The following TELO2 variants were observed in gnomAD, a reference collection of about 807,000 sequenced individuals.
TELO2 encodes telomere length regulation protein TEL2 homolog.
In TELO2, 71 loss-of-function variants were observed where a neutral mutation model predicts 91.0. The ratio of observed to expected loss-of-function variants is 0.78; its 90% CI spans 0.64 to 0.95. The LOEUF (loss-of-function observed/expected upper bound fraction) is 0.95, where lower values mean the gene tolerates loss of function less well. TELO2 is among the 40% of genes least tolerant of loss of function. TELO2 has a pLI of 0.00. For synonymous variants in TELO2, 584 were observed against 518.9 expected (o/e 1.13, Z -1.71); for missense variants, 1,183 against 1,141.3 (o/e 1.04, Z -0.53).
chr16:1,493,662 C>G lies in TELO2; in HGVS notation c.-37+57C>G, dbSNP rs1276709549. On this transcript the variant is annotated intron_variant, in intron 1 of 20. Coordinates refer to ENST00000262319, the MANE Select transcript of TELO2 (RefSeq NM_016111.4). The surrounding 1 kb of genome is among the most constrained non-coding windows in gnomAD (Gnocchi z 4.3). ...GGGTCCGGTTGGGTCGGGTTGGGCT[C>G]CAGGTCTGGTTGGGTCGGGTCCAGG... 6.6e-6 allele frequency: 1 copy of G among 152,406 alleles called. No individual in the cohort carries two copies. Among genetic ancestry groups the G allele is most frequent in the Non-Finnish European group, 1.5e-5 (1 of 68,338 alleles). 9.4% of individuals were successfully genotyped at this position (152,406 alleles called of 1,614,324 possible). A position where few individuals can be genotyped will look rare whatever the true frequency, so the allele number is the denominator to read the frequency against.
At chr16:1,499,097 G>A (rs1231868746) in intron 5 of TELO2, 134 bp from the exon 6 acceptor site, 2 of 823,960 alleles carry the variant, frequency 2.4e-6, no homozygotes, top group African/African-American at 3.4e-5. Flanking sequence ...GTCGGAGGAT[G>A]GAACCAGAGG....
Position 1,495,392 on chromosome 16 carries a change from C to G in TELO2, c.382C>G (p.Leu128Val). 4 of 1,575,188 alleles carry G rather than the reference C, an allele frequency of 2.5e-6. No homozygotes were observed. Among genetic ancestry groups the G allele is most frequent in the South Asian group, 2.3e-5 (2 of 87,124 alleles). ...GATGGCGCGGCTGCTGGCCAGATTC[C>G]TGCGCGAGGGCCGGCTGGCAGTGCT... ...MKMARLLARF[L>V]REGRLAVLME... The change falls in exon 3 of 21, where the codon CTG becomes GTG. Residue 128 changes from leucine (L) to valine (V), a missense_variant. Physicochemically the swap from Leu to Val is conservative, Grantham distance 32. Transcript: ENST00000262319.
chr16:1,498,142 G>A (rs2039559241), intron 5 of TELO2, among the ~76,000 whole-genome samples: 4 of 151,890 alleles, frequency 2.6e-5, no homozygotes, highest in Non-Finnish European at 5.9e-5. Context: ...AGCCTCCTGA[G>A]TAGCTAGGAC....
chr16:1,502,893 G>A lies in TELO2; in HGVS notation c.1771-38G>A, dbSNP rs1398833973. ...CGGAGGTCGCCCCGGGTGGCCCTCAGGTCCCGGACCACAGCAGCCTCTCCC... is the reference window on the plus strand; with the variant it reads ...CGGAGGTCGCCCCGGGTGGCCCTCAAGTCCCGGACCACAGCAGCCTCTCCC... On this transcript the variant is annotated intron_variant, in intron 14 of 20. Transcript: ENST00000262319. 2.5e-6 allele frequency: 4 copies of A among 1,607,846 alleles called. No individual in the cohort carries two copies. The South Asian group carries it at 4.4e-5, about 18-fold the overall frequency.
In TELO2 at chr16:1,494,776, C is replaced by T. The variant is rs187114349; in HGVS notation, c.335+160C>T. 1.3e-5 allele frequency among the ~76,000 whole-genome samples: 2 copies of T among 152,314 alleles called. No individual in the cohort carries two copies. Among genetic ancestry groups the T allele is most frequent in the African/African-American group, 4.8e-5 (2 of 41,568 alleles). On this transcript the variant is annotated intron_variant, in intron 2 of 20. Coordinates refer to ENST00000262319, the MANE Select transcript of TELO2 (RefSeq NM_016111.4). This position sits in a 1 kb window ranked among gnomAD's most constrained non-coding sequence, Gnocchi z 5.6. ...AACAGAAGAAGCGGTCTGTGTCTGT[C>T]TCCTTTGCGACGGGAGGCACCTGCT...
chr16:1,495,305 A>G (rs1049959619), intron 2 of TELO2, 41 bp from the exon 3 acceptor site: 1 of 1,500,682 alleles, frequency 6.7e-7, no homozygotes, highest in Non-Finnish European at 9.0e-7. Context: ...GGCCCCGAGG[A>G]TGGGGGTTGG....
rs1157498970 is a variant in TELO2 at position 1,510,317 on chromosome 16, C to G, written c.*381C>G. The G allele has an allele frequency of 2.6e-5, 7 of 271,596 alleles. No individual in the cohort carries two copies. The highest frequency in any genetic ancestry group is 5.0e-5 in the Non-Finnish European group (7 of 140,204). 16.8% of individuals were successfully genotyped at this position (271,596 alleles called of 1,614,324 possible). A position where few individuals can be genotyped will look rare whatever the true frequency, so the allele number is the denominator to read the frequency against. On this transcript the variant is annotated 3_prime_UTR_variant, in exon 21 of 21. Coordinates refer to ENST00000262319, the MANE Select transcript of TELO2 (RefSeq NM_016111.4). ...AAGCAGGACAGAGCAGCTCTTGTCC[C>G]AGGTCCCTCGGGCTGAGCGCCGTGT... is the stretch of plus-strand genomic sequence containing the variant.
rs2039877196 is a variant in TELO2, at chr16:1,505,945, C to T, written c.2035-293C>T. On this transcript the variant is annotated intron_variant, in intron 16 of 20. Coordinates refer to ENST00000262319, the MANE Select transcript of TELO2 (RefSeq NM_016111.4). This position sits in a 1 kb window ranked among gnomAD's most constrained non-coding sequence, Gnocchi z 4.3. ...TTGTCACTAGGGGTGGGTTGGAGGC[C>T]ACGGAGGCATCCTGCAGTGCCCAGG... 1.3e-5 allele frequency among the ~76,000 whole-genome samples: 2 copies of T among 152,310 alleles called. No homozygotes were observed. The highest frequency in any genetic ancestry group is 4.1e-4 in the South Asian group (2 of 4,828).
At chr16:1,496,601 C>T (rs1411727825) in intron 3 of TELO2, among the ~76,000 whole-genome samples, 2 of 152,294 alleles carry the variant, frequency 1.3e-5, no homozygotes, top group South Asian at 4.1e-4. Context: ...TGGTACAGCC[C>T]GGCCCCTCCC....
rs375701660 is a variant in TELO2 at position 1,497,526 on chromosome 16, C to T, written c.830+18C>T. ...GCACTGGGGTAAGCAGCCAGGCTGT[C>T]CTCCAGCTGCACTGGCTTCTGGGGT... On this transcript the variant is annotated intron_variant, in intron 5 of 20. Transcript: ENST00000262319. This position sits in a 1 kb window ranked among gnomAD's most constrained non-coding sequence, Gnocchi z 4.0. The T allele has an allele frequency of 1.6e-5, 25 of 1,540,958 alleles. No individual in the cohort carries two copies. The Middle Eastern group carries it at 6.7e-4, about 41-fold the overall frequency.
At chr16:1,495,212 C>T (rs2039434594) in intron 2 of TELO2, 134 bp from the exon 3 acceptor site, 1 of 1,260,454 alleles carries the variant, frequency 7.9e-7, no homozygotes, top group Non-Finnish European at 1.1e-6. Flanking sequence ...TCCCATCCGG[C>T]TTGTGGTTTT....
Position 1,500,399 on chromosome 16 carries a change from C to T in TELO2, c.1055C>T (p.Thr352Ile). ...TWGSSSAIRHTPLPQQRHVSK... is the reference protein window; with the variant it reads ...TWGSSSAIRHIPLPQQRHVSK... ...GGCAGCAGCAGTGCCATCCGCCACA[C>T]TCCCCTGCCGCAGCAGCGCCACGTC... Residue 352 changes from threonine to isoleucine, a missense_variant, in exon 8 of 21, where the codon ACT (threonine) becomes ATT (isoleucine). Transcript: ENST00000262319. 6.2e-7 allele frequency: 1 copy of T among 1,600,784 alleles called. No homozygotes were observed. The highest frequency in any genetic ancestry group is 2.3e-5 in the East Asian group (1 of 44,298).
In TELO2 at chr16:1,507,763, G is replaced by GGT. The variant is rs567051123; in HGVS notation, c.2407+56_2407+57dup. On this transcript the variant is annotated intron_variant, in intron 20 of 20. Coordinates refer to ENST00000262319, the MANE Select transcript of TELO2 (RefSeq NM_016111.4). ...GTGTGTGAGATGTGTGTCGGCCCGG[G>GGT]GTGTGTGTGTATGTGTGTGTGTGTG... The GGT allele has an allele frequency of 1.8e-5, 26 of 1,414,880 alleles. No individual in the cohort carries two copies. In the South Asian group the frequency reaches 2.2e-4, roughly 12 times the overall value. 87.6% of individuals were successfully genotyped at this position (1,414,880 alleles called of 1,614,324 possible). A position where few individuals can be genotyped will look rare whatever the true frequency, so the allele number is the denominator to read the frequency against.
intron 6 of TELO2, 74 bp from the exon 7 acceptor site, chr16:1,500,022 T>C: frequency 6.6e-7 from 1 of 1,525,866 alleles, no homozygotes; most frequent in Non-Finnish European, 8.9e-7. Flanking sequence ...CTGGCATGGC[T>C]CTTGGCCTTG....
At chr16:1,508,828 C>T (rs2040006799) in intron 20 of TELO2, among the ~76,000 whole-genome samples, 1 of 152,166 alleles carries the variant, frequency 6.6e-6, no homozygotes, top group Non-Finnish European at 1.5e-5. Flanking sequence ...TCTGCCCTGT[C>T]CCTTCCCAGG....
intron 20 of TELO2, 133 bp downstream of exon 20, chr16:1,507,849 G>GGTGTGTGT (rs560652753): frequency 1.2e-4 from 38 of 308,258 alleles, no homozygotes; most frequent in Non-Finnish European, 2.1e-4. Flanking sequence ...GTTGGCCCGG[G>GGTGTGTGT]GTGTGTGTGT....
At chr16:1,496,227 G>A (rs556693501) in intron 3 of TELO2, among the ~76,000 whole-genome samples, 1 of 152,140 alleles carries the variant, frequency 6.6e-6, no homozygotes, top group African/African-American at 2.4e-5. Flanking sequence ...CCCCGACCTC[G>A]TTCTGAAACT....
intron 14 of TELO2, 63 bp downstream of exon 14, chr16:1,502,824 G>GTGCC: frequency 6.2e-7 from 1 of 1,602,498 alleles, no homozygotes; most frequent in East Asian, 2.2e-5. Context: ...GGGAGCTGCG[G>GTGCC]TGCCTGAGTC....
rs1270286375 is a variant in TELO2 at position 1,500,691 on chromosome 16, A to G, written c.1273A>G (p.Lys425Glu). 5.6e-6 allele frequency: 9 copies of G among 1,612,224 alleles called. No homozygotes were observed. Among genetic ancestry groups the G allele is most frequent in the Non-Finnish European group, 7.6e-6 (9 of 1,179,800 alleles). Residue 425 changes from lysine to glutamate, a missense_variant, in exon 9 of 21, where the codon AAA (lysine) becomes GAA (glutamate). Lys to Glu is a moderately conservative substitution (Grantham distance 56). Coordinates refer to ENST00000262319, the MANE Select transcript of TELO2 (RefSeq NM_016111.4). ...GATCCACCCCGAGGGGCCTCCCCTG[A>G]AATTCCAGGTGAGCGGGCCGTCCCC... ...ARIHPEGPPLKFQYEEDELSL... is the reference protein window; with the variant it reads ...ARIHPEGPPLEFQYEEDELSL...
Sources: gnomAD v4.1 joint callset for allele counts (sites outside exome capture counted in the v4.1 genomes callset) on GRCh38, gnomAD v4.1.1 for gene constraint, Gnocchi (gnomAD v3.1) non-coding constraint, MANE v1.5 for transcripts, NCBI Gene and HGNC (gene_info 2026-07-23, HGNC 2026-07-21) for gene names.